HMBOX1: variants seen among roughly 807,000 people sequenced by gnomAD.
HMBOX1 encodes homeobox-containing protein 1.
In HMBOX1, 14 loss-of-function variants were observed where a neutral mutation model predicts 54.5. That is an observed-to-expected ratio of 0.26 (90% CI 0.17 to 0.40). The LOEUF (loss-of-function observed/expected upper bound fraction) is 0.40, where lower values mean the gene tolerates loss of function less well. HMBOX1 is among the 10% of genes least tolerant of loss of function. The pLI is 1.00. For missense variants in HMBOX1, 332 were observed against 514.4 expected (o/e 0.65, Z 3.43); for synonymous variants, 160 against 181.0 (o/e 0.88, Z 0.93).
At chr8:28,945,803 T>G (rs530300173) in intron 1 of HMBOX1, among the ~76,000 whole-genome samples, 13 of 144,340 alleles carry the variant, frequency 9.0e-5, no homozygotes, top group African/African-American at 3.0e-4. Context: ...GGGGAAAAGG[T>G]TTTTTTTTTT....
At chr8:29,031,184 T>A (rs1282543420) in intron 6 of HMBOX1, among the ~76,000 whole-genome samples, 2 of 152,228 alleles carry the variant, frequency 1.3e-5, no homozygotes, top group African/African-American at 4.8e-5. Context: ...TGAGGATATC[T>A]TCTTCATATC....
chr8:28,959,010 C>G (rs946236329), intron 1 of HMBOX1, among the ~76,000 whole-genome samples: 2 of 152,076 alleles, frequency 1.3e-5, no homozygotes, highest in African/African-American at 4.8e-5. Flanking sequence ...TCTAAGACTC[C>G]CAGTAGATGC....
intron 6 of HMBOX1, among the ~76,000 whole-genome samples, chr8:29,021,581 C>A (rs903321060): frequency 6.6e-5 from 10 of 151,888 alleles, no homozygotes; most frequent in Non-Finnish European, 1.3e-4. Context: ...ATCGGCCAGG[C>A]GCGGTGGCTC....
At chr8:29,045,209 G>A (rs974829303) in intron 6 of HMBOX1, 152 bp from the exon 7 acceptor site, 1 of 647,050 alleles carries the variant, frequency 1.5e-6, no homozygotes, top group South Asian at 1.8e-5. Flanking sequence ...CAGCATAAAA[G>A]ATTCTACTCT....
At chr8:29,047,505 T>C in intron 8 of HMBOX1, 52 bp downstream of exon 8, 1 of 889,344 alleles carries the variant, frequency 1.1e-6, no homozygotes, top group Non-Finnish European at 1.9e-6. Flanking sequence ...GTGAACGTCA[T>C]GTTTATATTA....
chr8:29,047,324 T>C (rs754250491), intron 7 of HMBOX1, 34 bp from the exon 8 acceptor site: 3 of 1,199,876 alleles, frequency 2.5e-6, no homozygotes, highest in African/African-American at 1.5e-5. Flanking sequence ...ATCCCAGATA[T>C]AGATTATCTG....
At chr8:28,946,578 A>AT (rs1292413237) in intron 1 of HMBOX1, among the ~76,000 whole-genome samples, 89 of 149,526 alleles carry the variant, frequency 6.0e-4, no homozygotes, top group African/African-American at 2.0e-3. Context: ...TCAAAAAAAA[A>AT]AAAATATATA....
At chr8:28,923,166 G>T (rs1817831867) in intron 1 of HMBOX1, among the ~76,000 whole-genome samples, 1 of 152,116 alleles carries the variant, frequency 6.6e-6, no homozygotes, top group Non-Finnish European at 1.5e-5. Flanking sequence ...TACCCATTAA[G>T]CAGTCACTCC....
At chr8:28,908,709 T>C (rs1814812864) in intron 1 of HMBOX1, among the ~76,000 whole-genome samples, 1 of 152,038 alleles carries the variant, frequency 6.6e-6, no homozygotes, top group Admixed American at 6.5e-5. Context: ...GAGCCTACAG[T>C]GAGCCGAGAT....
chr8:29,001,677 G>A (rs1366425280), intron 4 of HMBOX1, among the ~76,000 whole-genome samples: 1 of 152,156 alleles, frequency 6.6e-6, no homozygotes, highest in African/African-American at 2.4e-5. Context: ...ATTTGAGCAT[G>A]CATCATGTAC....
chr8:29,003,488 G>T (rs1832943705), intron 4 of HMBOX1, among the ~76,000 whole-genome samples: 1 of 44,216 alleles, frequency 2.3e-5, no homozygotes, highest in Admixed American at 2.9e-4. Context: ...AACTGGTTGT[G>T]TGTGTGTGTA....
chr8:28,923,591 G>C (rs1817903378), intron 1 of HMBOX1, among the ~76,000 whole-genome samples: 1 of 152,142 alleles, frequency 6.6e-6, no homozygotes, highest in African/African-American at 2.4e-5. Flanking sequence ...GTATTAGATA[G>C]TATAAGTAAT....
chr8:28,979,983 C>T (rs1829081577), intron 3 of HMBOX1, 88 bp from the exon 4 acceptor site: 8 of 955,330 alleles, frequency 8.4e-6, no homozygotes, highest in South Asian at 7.8e-5. Flanking sequence ...TGTGTTCTCC[C>T]CACCTCTCTG....
chr8:28,907,980 G>A (rs1486061844), intron 1 of HMBOX1, among the ~76,000 whole-genome samples: 4 of 151,822 alleles, frequency 2.6e-5, no homozygotes, highest in African/African-American at 7.2e-5. Flanking sequence ...CGATTATCTG[G>A]GACCACAGGT....
chr8:28,928,395 TGA>T (rs977258963), intron 1 of HMBOX1, among the ~76,000 whole-genome samples: 1 of 152,182 alleles, frequency 6.6e-6, no homozygotes, highest in African/African-American at 2.4e-5. Context: ...TCAAGAAATC[TGA>T]GAGGTCTATT....
chr8:28,966,351 T>C (rs1826437999), intron 2 of HMBOX1, among the ~76,000 whole-genome samples: 1 of 152,236 alleles, frequency 6.6e-6, no homozygotes, highest in Admixed American at 6.5e-5. Context: ...ACACTGTCTG[T>C]TATTACAGTG....
At chr8:28,967,740 C>T (rs188985193) in intron 2 of HMBOX1, among the ~76,000 whole-genome samples, 1 of 151,978 alleles carries the variant, frequency 6.6e-6, no homozygotes, top group Non-Finnish European at 1.5e-5. Context: ...TTTTTCATTA[C>T]AAAATATTGT....
intron 1 of HMBOX1, among the ~76,000 whole-genome samples, chr8:28,960,809 A>T: frequency 2.4e-5 from 2 of 84,800 alleles, no homozygotes; most frequent in Admixed American, 1.9e-4. Context: ...TTTTTTGGAG[A>T]CGGAGTCTTG....
intron 1 of HMBOX1, among the ~76,000 whole-genome samples, chr8:28,893,789 G>A (rs570091678): frequency 5.2e-4 from 79 of 152,208 alleles, no homozygotes; most frequent in African/African-American, 1.8e-3. Context: ...GAATACATTG[G>A]GAATATTTAG....
Sources: gnomAD v4.1 joint callset for allele counts (sites outside exome capture counted in the v4.1 genomes callset) on GRCh38, gnomAD v4.1.1 for gene constraint, MANE v1.5 for transcripts, NCBI Gene and HGNC (gene_info 2026-07-23, HGNC 2026-07-21) for gene names.